MMP16: variants seen among roughly 807,000 people sequenced by gnomAD.
The protein encoded by MMP16 is matrix metalloproteinase-16.
Under a neutral mutation model 67.8 loss-of-function variants are expected in MMP16, and 12 were observed. That is an observed-to-expected ratio of 0.18 (90% confidence interval 0.11 to 0.29). MMP16 has a LOEUF of 0.29. MMP16 is among the 10% of genes least tolerant of loss of function. The pLI is 1.00. For missense variants in MMP16, 475 were observed against 765.7 expected (o/e 0.62, Z 4.48); for synonymous variants, 249 against 255.9 (o/e 0.97, Z 0.26).
intron 1 of MMP16, among the ~76,000 whole-genome samples, chr8:88,319,871 G>C (rs1811432093): frequency 6.6e-6 from 1 of 152,032 alleles, no homozygotes; most frequent in African/African-American, 2.4e-5. Flanking sequence ...ATCACTCTAA[G>C]GACTATCTCT....
chr8:88,202,355 A>C (rs994960604), intron 1 of MMP16, among the ~76,000 whole-genome samples: 1 of 152,172 alleles, frequency 6.6e-6, no homozygotes, highest in Admixed American at 6.6e-5. Flanking sequence ...TTTATGATAG[A>C]AGCCAATTAC....
At chr8:88,300,506 G>C (rs1274485641) in intron 1 of MMP16, among the ~76,000 whole-genome samples, 1 of 152,122 alleles carries the variant, frequency 6.6e-6, no homozygotes, top group Non-Finnish European at 1.5e-5. Context: ...ACCTCTCTCT[G>C]TTATCAGATC....
At chr8:88,271,178 T>C (rs1234328975) in intron 1 of MMP16, among the ~76,000 whole-genome samples, 1 of 152,122 alleles carries the variant, frequency 6.6e-6, no homozygotes, top group Non-Finnish European at 1.5e-5. Context: ...GAAAAAGAAG[T>C]GATTGTTTAT....
At chr8:88,167,544 A>C (rs1808734165) in intron 4 of MMP16, 125 bp downstream of exon 4, 1 of 875,282 alleles carries the variant, frequency 1.1e-6, no homozygotes, top group Non-Finnish European at 1.7e-6. Context: ...ATATGCTTAC[A>C]TATTGCTTTG....
At chr8:88,100,328 A>T (rs1809118885) in intron 6 of MMP16, among the ~76,000 whole-genome samples, 1 of 152,044 alleles carries the variant, frequency 6.6e-6, no homozygotes. Flanking sequence ...ATATGAACAG[A>T]TGACTCTCAA....
intron 1 of MMP16, among the ~76,000 whole-genome samples, chr8:88,217,494 C>T (rs1809612696): frequency 6.6e-6 from 1 of 152,084 alleles, no homozygotes; most frequent in Non-Finnish European, 1.5e-5. Context: ...TAATCCACCA[C>T]AGGGTTCAAT....
At chr8:88,107,867 G>T (rs946794399) in intron 6 of MMP16, among the ~76,000 whole-genome samples, 1 of 151,256 alleles carries the variant, frequency 6.6e-6, no homozygotes, top group East Asian at 2.0e-4. Flanking sequence ...GAAATGCAGA[G>T]ATAAGCTGTC....
In MMP16 at chr8:88,033,844, T is replaced by C. The variant is rs1342747596; in HGVS notation, c.*7617A>G. On this transcript the variant is annotated 3_prime_UTR_variant, in exon 10 of 10. Coordinates refer to ENST00000286614, the MANE Select transcript of MMP16 (RefSeq NM_005941.5). ...ATTCTATCTCTCTTTCTAATATATA[T>C]GTAATTTACACTTACAGAGAAATAG... 1.3e-5 allele frequency: 2 copies of C among 152,066 alleles called. No individual in the cohort carries two copies. The highest frequency in any genetic ancestry group is 2.1e-4 in the South Asian group (1 of 4,834). The allele number at this position is 152,066 out of a possible 1,614,324, so 9.4% of individuals were successfully genotyped here. A position where few individuals can be genotyped will look rare whatever the true frequency, so the allele number is the denominator to read the frequency against.
intron 4 of MMP16, among the ~76,000 whole-genome samples, chr8:88,148,251 G>A (rs1808328055): frequency 1.3e-5 from 2 of 152,072 alleles, no homozygotes; most frequent in South Asian, 4.2e-4. Flanking sequence ...ATCCTGCATT[G>A]AAGTTTTAAA....
At chr8:88,312,390 AG>A (rs1811308908) in intron 1 of MMP16, among the ~76,000 whole-genome samples, 1 of 152,202 alleles carries the variant, frequency 6.6e-6, no homozygotes, top group Non-Finnish European at 1.5e-5. Context: ...TGTAACTACC[AG>A]CAGTTATCAT....
intron 2 of MMP16, 35 bp from the exon 3 acceptor site, chr8:88,186,633 T>C (rs1191559353): frequency 6.4e-7 from 1 of 1,566,982 alleles, no homozygotes; most frequent in Non-Finnish European, 8.6e-7. Context: ...AAAAGCAGTA[T>C]TTTCCAGTTA....
chr8:88,128,845 A>G (rs1027517870), intron 4 of MMP16, among the ~76,000 whole-genome samples: 1 of 151,820 alleles, frequency 6.6e-6, no homozygotes, highest in Non-Finnish European at 1.5e-5. Context: ...GATGGTGGTC[A>G]GACTCATTTG....
intron 1 of MMP16, among the ~76,000 whole-genome samples, chr8:88,320,928 A>C (rs1811450432): frequency 6.6e-6 from 1 of 152,188 alleles, no homozygotes; most frequent in Non-Finnish European, 1.5e-5. Context: ...CCAAGCAAAA[A>C]ATATCAATTC....
chr8:88,093,094 C>A (rs1808965438), intron 6 of MMP16, among the ~76,000 whole-genome samples: 1 of 151,710 alleles, frequency 6.6e-6, no homozygotes, highest in African/African-American at 2.4e-5. Flanking sequence ...TATAAAAAAG[C>A]AGATTTTGGT....
chr8:88,223,366 T>A (rs1005772295), intron 1 of MMP16, among the ~76,000 whole-genome samples: 2 of 152,108 alleles, frequency 1.3e-5, no homozygotes, highest in Admixed American at 6.5e-5. Flanking sequence ...GGATTTTAAA[T>A]CATGCTACTA....
intron 1 of MMP16, among the ~76,000 whole-genome samples, chr8:88,236,056 C>G (rs1809935468): frequency 6.6e-6 from 1 of 152,120 alleles, no homozygotes; most frequent in Non-Finnish European, 1.5e-5. Flanking sequence ...AGTAAACCAC[C>G]AACTTTTTAA....
At chr8:88,316,827 T>C (rs929226699) in intron 1 of MMP16, among the ~76,000 whole-genome samples, 4 of 152,162 alleles carry the variant, frequency 2.6e-5, no homozygotes, top group African/African-American at 9.7e-5. Flanking sequence ...TAAAACCTTC[T>C]GTAAAAGATT....
intron 6 of MMP16, among the ~76,000 whole-genome samples, chr8:88,102,674 C>A (rs1809165256): frequency 6.6e-6 from 1 of 151,754 alleles, no homozygotes; most frequent in African/African-American, 2.4e-5. Context: ...GGCCAGCCCC[C>A]ATCCTGAAAC....
At chr8:88,303,305 T>A (rs1045168319) in intron 1 of MMP16, among the ~76,000 whole-genome samples, 1 of 152,058 alleles carries the variant, frequency 6.6e-6, no homozygotes, top group African/African-American at 2.4e-5. Flanking sequence ...CAGGTTGGGG[T>A]CTGCCTGAGA....
Sources: allele counts gnomAD v4.1 joint callset (sites outside exome capture counted in the v4.1 genomes callset), GRCh38; gene constraint gnomAD v4.1.1; transcripts MANE v1.5; gene names NCBI Gene and HGNC (gene_info 2026-07-23, HGNC 2026-07-21).